Variants in INO80D observed in about 807,000 individuals in gnomAD.
INO80D encodes the protein INO80 complex subunit D.
In INO80D, 21 loss-of-function variants were observed where a neutral mutation model predicts 87.6. That is an observed-to-expected ratio of 0.24 (90% CI 0.17 to 0.35). The LOEUF is 0.35. Ranked by LOEUF, INO80D falls within the 10% of genes least tolerant of loss-of-function variation. The probability of loss-of-function intolerance (pLI) is 1.00; values close to 1 mark genes in which losing one functional copy is unlikely to be tolerated. For synonymous variants in INO80D, 440 were observed against 491.0 expected, an observed-to-expected ratio of 0.90 and a Z score of 1.37; for missense variants, 982 against 1,280.7, an observed-to-expected ratio of 0.77 and a Z score of 3.56.
rs1687769630 is a variant in INO80D at position 205,994,377 on chromosome 2, T to G, written c.*9991A>C. 6.6e-6 allele frequency: 1 copy of G among 152,218 alleles called. No individual in the cohort carries two copies. Among genetic ancestry groups the G allele is most frequent in the South Asian group, 2.1e-4 (1 of 4,834 alleles). The allele number at this position is 152,218 out of a possible 1,614,324, so 9.4% of individuals were successfully genotyped here. A position where few individuals can be genotyped will look rare whatever the true frequency, so the allele number is the denominator to read the frequency against. On this transcript the variant is annotated 3_prime_UTR_variant, in exon 11 of 11. Transcript: ENST00000403263. ...AAGGGCTTTGAGAACCGCTAGTCCT[T>G]GCTACCGTGCAGTTTCTTTGTTAGA...
rs1049255179 is a variant in INO80D, at chr2:206,023,437, A to G, written c.1299-3592T>C. On this transcript the variant is annotated intron_variant, in intron 6 of 10. Coordinates refer to ENST00000403263, the MANE Select transcript of INO80D (RefSeq NM_017759.5). ...AGTGGCTCATGCCTGTAATCCTACC[A>G]CTTTGGGAGGCCGGGGGAGGCAGAT... is the stretch of plus-strand genomic sequence containing the variant. Among the ~76,000 whole-genome samples the G allele has an allele frequency of 1.4e-4, 21 of 151,970 alleles. 1 individual carries two copies. The highest frequency in any genetic ancestry group is 6.6e-5 in the Admixed American group (1 of 15,254).
At chr2:206,083,050 C>T (rs1000699765) in intron 1 of INO80D, among the ~76,000 whole-genome samples, 1 of 152,260 alleles carries the variant, frequency 6.6e-6, no homozygotes, top group African/African-American at 2.4e-5. Context: ...AAAGCATATT[C>T]CCTTAGTAGT....
chr2:206,021,739 A>G (rs1351685686), intron 6 of INO80D, among the ~76,000 whole-genome samples: 2 of 151,986 alleles, frequency 1.3e-5, no homozygotes, highest in Non-Finnish European at 2.9e-5. Flanking sequence ...CAGCCTCCCA[A>G]GTAGCTGGGA....
chr2:206,017,109 T>A (rs1575805826), intron 8 of INO80D, among the ~76,000 whole-genome samples: 1 of 152,320 alleles, frequency 6.6e-6, no homozygotes, highest in East Asian at 1.9e-4. Flanking sequence ...TATTAAGTCC[T>A]GGTCTAATAC....
intron 5 of INO80D, among the ~76,000 whole-genome samples, chr2:206,046,183 T>C (rs1575843378): frequency 6.6e-6 from 1 of 152,190 alleles, no homozygotes; most frequent in African/African-American, 2.4e-5. Context: ...CTAGATCTAA[T>C]AACATAAAAG....
chr2:206,061,425 T>C (rs997775307), intron 3 of INO80D, among the ~76,000 whole-genome samples: 10 of 152,226 alleles, frequency 6.6e-5, no homozygotes, highest in African/African-American at 2.2e-4. Context: ...GTGTTTACGA[T>C]GGGGCTTGAT....
rs554047595 is a variant in INO80D at position 206,085,297 on chromosome 2, GATAA to G, written c.-124+600_-124+603del. Among the ~76,000 whole-genome samples, 62 of 151,422 alleles carry G rather than the reference GATAA, an allele frequency of 4.1e-4. 2 individuals are homozygous for G. In the South Asian group the frequency reaches 0.013, roughly 31 times the overall value. ...GGCCGTCCGGAGCGCGGAGGAGGGG[GATAA>G]ATAAATTCAACTCTTACCGGAATCT... On this transcript the variant is annotated intron_variant, in intron 1 of 10. Coordinates refer to ENST00000403263, the MANE Select transcript of INO80D (RefSeq NM_017759.5). The surrounding 1 kb of genome is among the most constrained non-coding windows in gnomAD (Gnocchi z 4.5).
At chr2:206,012,311 G>A (rs140744372) in intron 8 of INO80D, among the ~76,000 whole-genome samples, 623 of 152,232 alleles carry the variant, frequency 4.1e-3, no homozygotes, top group Middle Eastern at 0.01. Flanking sequence ...TGATTTAGGT[G>A]GTGGTTATAC....
intron 1 of INO80D, among the ~76,000 whole-genome samples, chr2:206,066,441 C>T (rs1408334737): frequency 1.3e-5 from 2 of 152,048 alleles, no homozygotes; most frequent in East Asian, 3.9e-4. Context: ...AGGTGTCCCA[C>T]AACAGATGAA....
intron 6 of INO80D, among the ~76,000 whole-genome samples, chr2:206,027,156 G>GCACACACACACA (rs34673264): frequency 6.6e-6 from 1 of 151,198 alleles, no homozygotes; most frequent in African/African-American, 2.4e-5. Flanking sequence ...GCGCGCACGC[G>GCACACACACACA]CACACACACA....
At chr2:206,033,106 G>A (rs1157737196) in intron 5 of INO80D, among the ~76,000 whole-genome samples, 5 of 152,002 alleles carry the variant, frequency 3.3e-5, no homozygotes, top group Non-Finnish European at 7.4e-5. Context: ...TAACATATAA[G>A]GACTCACATA....
chr2:206,005,134 C>T lies in INO80D; in HGVS notation c.2318G>A (p.Ser773Asn). The change falls in exon 11 of 11, where the codon AGT (serine) becomes AAT (asparagine). Residue 773 changes from serine to asparagine, a missense_variant. Ser to Asn is a conservative substitution (Grantham distance 46). Coordinates refer to ENST00000403263, the MANE Select transcript of INO80D (RefSeq NM_017759.5). ...TGGGAAGGCTCTCTCCCCAAGTGCA[C>T]TCTGGCTGATCAGAGTGGCAGAAGT... ...GLTSATLISQ[S>N]ALGERAFPGQ... 1 of 1,614,010 alleles carries T rather than the reference C, an allele frequency of 6.2e-7. No individual in the cohort carries two copies. Among genetic ancestry groups the T allele is most frequent in the Non-Finnish European group, 8.5e-7 (1 of 1,179,886 alleles).
chr2:206,033,195 A>G (rs1378205345), intron 5 of INO80D, among the ~76,000 whole-genome samples: 2 of 152,230 alleles, frequency 1.3e-5, no homozygotes, highest in South Asian at 2.1e-4. Context: ...TATATCAGAC[A>G]AAACAAACTT....
At chr2:206,035,518 G>A (rs1315203577) in intron 5 of INO80D, among the ~76,000 whole-genome samples, 1 of 152,060 alleles carries the variant, frequency 6.6e-6, no homozygotes, top group South Asian at 2.1e-4. Context: ...AATGGTGCTG[G>A]GATAATTGGC....
chr2:206,072,364 C>T (rs76647448), intron 1 of INO80D, among the ~76,000 whole-genome samples: 8,033 of 151,982 alleles, frequency 0.053, 268 homozygotes, highest in African/African-American at 0.086. Context: ...GCAACCTCTG[C>T]CCCTTGGATC....
intron 6 of INO80D, among the ~76,000 whole-genome samples, chr2:206,024,122 G>C (rs1037568137): frequency 2.0e-5 from 3 of 152,098 alleles, no homozygotes; most frequent in African/African-American, 7.2e-5. Flanking sequence ...ATAAATGTTA[G>C]TTATCATTAT....
Position 206,001,162 on chromosome 2 carries a change from AT to A in INO80D, c.*3205del, listed in dbSNP as rs1198840443. On this transcript the variant is annotated 3_prime_UTR_variant, in exon 11 of 11. Coordinates refer to ENST00000403263, the MANE Select transcript of INO80D (RefSeq NM_017759.5). ...AGCCATTTTTACAGAAGAAAAAACA[AT>A]GTCTTAAGTACTTTAATTAAAATAA... is the stretch of plus-strand genomic sequence containing the variant. 1 of 152,244 alleles carries A rather than the reference AT, an allele frequency of 6.6e-6. No individual in the cohort carries two copies. The highest frequency in any genetic ancestry group is 1.5e-5 in the Non-Finnish European group (1 of 68,048). 9.4% of individuals were successfully genotyped at this position (152,244 alleles called of 1,614,324 possible). A position where few individuals can be genotyped will look rare whatever the true frequency, so the allele number is the denominator to read the frequency against.
rs1281939198 is a variant in INO80D at position 205,993,991 on chromosome 2, A to C, written c.*10377T>G. On this transcript the variant is annotated 3_prime_UTR_variant, in exon 11 of 11. Coordinates refer to ENST00000403263, the MANE Select transcript of INO80D (RefSeq NM_017759.5). ...ACATTCATTGAGATATATATGGAAA[A>C]TGTGAGCCATCTCTTCTTGTTTAAA... 1 of 152,184 alleles carries C rather than the reference A, an allele frequency of 6.6e-6. No homozygotes were observed. Among genetic ancestry groups the C allele is most frequent in the African/African-American group, 2.4e-5 (1 of 41,460 alleles). The allele number at this position is 152,184 out of a possible 1,614,324, so 9.4% of individuals were successfully genotyped here.
At chr2:206,019,062 T>A (rs1269900223) in intron 7 of INO80D, among the ~76,000 whole-genome samples, 1 of 152,202 alleles carries the variant, frequency 6.6e-6, no homozygotes, top group Non-Finnish European at 1.5e-5. Context: ...ACATAGAAAG[T>A]GCTGCTGAAC....
Sources: gnomAD v4.1 joint callset for allele counts (sites outside exome capture counted in the v4.1 genomes callset) on GRCh38, gnomAD v4.1.1 for gene constraint, Gnocchi (gnomAD v3.1) non-coding constraint, MANE v1.5 for transcripts, NCBI Gene and HGNC (gene_info 2026-07-23, HGNC 2026-07-21) for gene names.